Variants in POLQ observed in about 807,000 individuals in gnomAD.
POLQ encodes the protein DNA polymerase theta, also known as epididymis secretory sperm binding protein.
A neutral mutation model predicts 259.2 loss-of-function variants in POLQ; 233 were observed. The observed-to-expected ratio is 0.90, with a 90% CI of 0.81 to 1.00. The LOEUF is 1.00. Ranked by LOEUF, POLQ falls within the 50% of genes least tolerant of loss-of-function variation. The probability of loss-of-function intolerance (pLI) is 0.00; values close to 1 mark genes in which losing one functional copy is unlikely to be tolerated. For synonymous variants in POLQ, 1,025 were observed against 1,048.8 expected (o/e 0.98, Z 0.44); for missense variants, 2,871 against 3,051.6 (o/e 0.94, Z 1.39).
intron 22 of POLQ, among the ~76,000 whole-genome samples, chr3:121,471,492 A>G (rs1363881108): frequency 2.0e-5 from 3 of 152,168 alleles, no homozygotes; most frequent in Non-Finnish European, 4.4e-5. Flanking sequence ...CTGTAATCCC[A>G]GCACTTTGGG....
intron 15 of POLQ, among the ~76,000 whole-genome samples, chr3:121,491,638 C>T (rs1156452934): frequency 6.6e-6 from 1 of 152,102 alleles, no homozygotes; most frequent in East Asian, 1.9e-4. Context: ...AGAGTAACTA[C>T]ATTAGTTGGA....
At position 121,489,593 on chromosome 3, in the gene POLQ, G is replaced by T. The variant is rs931523645; in HGVS notation, c.3338C>A (p.Ser1113Ter). The change falls in exon 16 of 30, where the codon TCA becomes TAA. Residue 1113 changes from serine to a stop codon, truncating the protein, a stop_gained. Transcript: ENST00000264233. LOFTEE classifies it high-confidence loss of function. ...ATTTTGCTTTATTTGTAATGGGAAT[G>T]ATGTTTTATTATCTTTTTCCTTACC... is the stretch of plus-strand genomic sequence containing the variant. The part of the protein sequence containing the change: ...LSGKEKDNKT[S>*]FPLQIKQNCS... 6.2e-7 allele frequency: 1 copy of T among 1,612,980 alleles called. No homozygotes were observed. Among genetic ancestry groups the T allele is most frequent in the Non-Finnish European group, 8.5e-7 (1 of 1,179,358 alleles).
At chr3:121,443,594 T>A (rs964398695) in intron 26 of POLQ, among the ~76,000 whole-genome samples, 3 of 152,214 alleles carry the variant, frequency 2.0e-5, no homozygotes, top group African/African-American at 7.2e-5. Context: ...CAGTTTTTTT[T>A]AAACCTGATG....
At chr3:121,508,016 AT>A (rs4048669) in intron 12 of POLQ, among the ~76,000 whole-genome samples, 59 of 129,608 alleles carry the variant, frequency 4.6e-4, no homozygotes, top group Admixed American at 9.9e-4. Context: ...ACCATACACA[AT>A]TTTTTTTTTT....
intron 9 of POLQ, among the ~76,000 whole-genome samples, chr3:121,513,310 A>G (rs962997005): frequency 1.3e-5 from 2 of 152,138 alleles, no homozygotes; most frequent in African/African-American, 4.8e-5. Flanking sequence ...GGCACCATTA[A>G]AAAAGCAAAA....
chr3:121,538,181 TAA>T (rs1342564984), intron 4 of POLQ, among the ~76,000 whole-genome samples: 1 of 152,018 alleles, frequency 6.6e-6, no homozygotes, highest in Non-Finnish European at 1.5e-5. Flanking sequence ...AGAAAAAACA[TAA>T]GAGGGTCCAG....
chr3:121,487,197 C>A lies in POLQ; in HGVS notation c.5629+105G>T, dbSNP rs1003251427. The A allele has an allele frequency of 2.7e-5, 18 of 654,816 alleles. 1 individual carries two copies. Among genetic ancestry groups the A allele is most frequent in the Non-Finnish European group, 4.5e-5 (18 of 400,476 alleles). The allele number at this position is 654,816 out of a possible 1,614,324, so 40.6% of individuals were successfully genotyped here. On this transcript the variant is annotated intron_variant, in intron 16 of 29. Transcript: ENST00000264233. ...TCCACAGAGGAGATACATACTACAACTTGAATAGATTATATTTAATATCTA... is the reference window on the plus strand; with the variant it reads ...TCCACAGAGGAGATACATACTACAAATTGAATAGATTATATTTAATATCTA...
chr3:121,543,677 T>C (rs925704761), intron 2 of POLQ, among the ~76,000 whole-genome samples: 1 of 152,154 alleles, frequency 6.6e-6, no homozygotes, highest in Admixed American at 6.6e-5. Context: ...GTGTATGCCA[T>C]AGTTGCCCAT....
intron 26 of POLQ, among the ~76,000 whole-genome samples, chr3:121,444,734 G>A (rs1442775259): frequency 1.3e-5 from 2 of 152,054 alleles, no homozygotes. Flanking sequence ...CACTAGCTGT[G>A]GGTCTATCAT....
chr3:121,536,752 C>G (rs1204581199), intron 5 of POLQ, among the ~76,000 whole-genome samples: 1 of 152,148 alleles, frequency 6.6e-6, no homozygotes, highest in African/African-American at 2.4e-5. Context: ...TTAAGTAATC[C>G]TCCTGCCTCA....
rs752631693 is a variant in POLQ, at chr3:121,468,418, A to G, written c.6732T>C (p.Phe2244=). 6.2e-7 allele frequency: 1 copy of G among 1,610,212 alleles called. No homozygotes were observed. The highest frequency in any genetic ancestry group is 1.1e-5 in the South Asian group (1 of 90,824). The change falls in exon 23 of 30, where the codon TTT becomes TTC. Residue 2244 remains phenylalanine, a synonymous_variant. Transcript: ENST00000264233. ...GCACATTCTGAATATTTGGTTCTGT[A>G]AAGGTTATTCGTCCTAAAATCAAGC... is the stretch of plus-strand genomic sequence containing the variant. ...QSHTATGRIT[F]TEPNIQNVPR...
At chr3:121,482,506 G>C (rs1272223894) in intron 18 of POLQ, among the ~76,000 whole-genome samples, 1 of 130,038 alleles carries the variant, frequency 7.7e-6, no homozygotes, top group African/African-American at 2.8e-5. Flanking sequence ...GGCAACAAGA[G>C]CAAAACTTCG....
intron 4 of POLQ, among the ~76,000 whole-genome samples, chr3:121,538,459 G>A (rs1486315313): frequency 4.6e-5 from 7 of 151,514 alleles, no homozygotes; most frequent in African/African-American, 1.7e-4. Flanking sequence ...ACTTTCTGGT[G>A]AAAAGGAATT....
At chr3:121,433,183 T>A (rs1290183704) in intron 28 of POLQ, 150 bp from the exon 29 acceptor site, 1 of 617,180 alleles carries the variant, frequency 1.6e-6, no homozygotes, top group Non-Finnish European at 2.9e-6. Context: ...TACTTGCTGG[T>A]CGCTACCTAC....
At chr3:121,534,054 T>C (rs2108818782) in intron 5 of POLQ, among the ~76,000 whole-genome samples, 2 of 150,576 alleles carry the variant, frequency 1.3e-5, no homozygotes, top group Middle Eastern at 3.4e-3. Flanking sequence ...TTTTTTGTAT[T>C]TTTAGTAGAG....
intron 14 of POLQ, among the ~76,000 whole-genome samples, chr3:121,495,188 T>G (rs2048105643): frequency 6.6e-6 from 1 of 151,806 alleles, no homozygotes; most frequent in Non-Finnish European, 1.5e-5. Context: ...GGAGAACCAC[T>G]TGAACTTGGG....
chr3:121,472,932 C>A (rs2047897295), intron 21 of POLQ, among the ~76,000 whole-genome samples: 1 of 152,106 alleles, frequency 6.6e-6, no homozygotes, highest in Non-Finnish European at 1.5e-5. Flanking sequence ...AGATTAAATT[C>A]TTAAATCAGG....
chr3:121,485,896 C>T (rs183752321), intron 16 of POLQ, among the ~76,000 whole-genome samples: 1 of 152,226 alleles, frequency 6.6e-6, no homozygotes, highest in Non-Finnish European at 1.5e-5. Context: ...AATACTCAAA[C>T]CTTTATGAAC....
Position 121,460,106 on chromosome 3 carries a change from A to G in POLQ, c.7096T>C (p.Trp2366Arg). 1 of 1,613,948 alleles carries G rather than the reference A, an allele frequency of 6.2e-7. No individual in the cohort carries two copies. The highest frequency in any genetic ancestry group is 1.7e-5 in the Admixed American group (1 of 59,986). ...ACAGACTCTGGCTCAATCATCTTCC[A>G]CTCTGCTGCAATGCTCCTGAAAACA... Reference protein sequence around the residue: ...ADVFRSIAAEWKMIEPESVGD... With the variant: ...ADVFRSIAAERKMIEPESVGD... The change falls in exon 25 of 30, where the codon TGG becomes CGG. Residue 2366 changes from tryptophan to arginine, a missense_variant. Transcript: ENST00000264233.
Sources: allele counts gnomAD v4.1 joint callset (sites outside exome capture counted in the v4.1 genomes callset), GRCh38; gene constraint gnomAD v4.1.1; transcripts MANE v1.5; gene names NCBI Gene and HGNC (gene_info 2026-07-23, HGNC 2026-07-21).